Variants in LINGO2 observed in about 807,000 individuals in gnomAD.
LINGO2 encodes leucine rich repeat and Ig domain containing 2.
Under a neutral mutation model 30.6 loss-of-function variants are expected in LINGO2, and 14 were observed. The ratio of observed to expected loss-of-function variants is 0.46; its 90% confidence interval spans 0.30 to 0.72. The LOEUF (loss-of-function observed/expected upper bound fraction) is 0.72, where lower values mean the gene tolerates loss of function less well. Among genes scored for constraint, LINGO2 ranks in the 30% least tolerant of loss-of-function variants. The pLI is 0.07. For missense variants in LINGO2, 729 were observed against 751.7 expected (o/e 0.97, Z 0.35); for synonymous variants, 317 against 288.5 (o/e 1.10, Z -1.00).
At chr9:28,676,216 T>C in the LINGO2 span, among the ~76,000 whole-genome samples, 1 of 151,904 alleles carries the variant, frequency 6.6e-6, no homozygotes, top group Non-Finnish European at 1.5e-5. Flanking sequence ...TATGCTAATA[T>C]TAAAGATTAA....
At chr9:28,142,591 G>A (rs1178849326) in intron 4 of LINGO2, among the ~76,000 whole-genome samples, 1 of 152,150 alleles carries the variant, frequency 6.6e-6, no homozygotes, top group Non-Finnish European at 1.5e-5. Context: ...TCTGAAGAAA[G>A]ACTAGGTTAA....
chr9:27,944,091 C>T (rs1452892755), downstream of LINGO2: 8 of 152,180 alleles, frequency 5.3e-5, no homozygotes, highest in African/African-American at 1.9e-4. Flanking sequence ...TTGTTGGACA[C>T]ATTTTATCCT....
At chr9:28,104,266 G>GTTTTTTTTTTTTT (rs74180789) in intron 4 of LINGO2, among the ~76,000 whole-genome samples, 224 of 97,270 alleles carry the variant, frequency 2.3e-3, no homozygotes, top group Middle Eastern at 0.018. Context: ...TTTTTTGTTT[G>GTTTTTTTTTTTTT]TTTTTTTTTT....
chr9:28,672,699 C>A (rs1829067882), upstream of LINGO2, among the ~76,000 whole-genome samples: 1 of 152,046 alleles, frequency 6.6e-6, no homozygotes, highest in South Asian at 2.1e-4. Context: ...AATTATTCAA[C>A]TAAATCCATG....
At chr9:27,966,691 A>G (rs960573881) in intron 5 of LINGO2, among the ~76,000 whole-genome samples, 3 of 152,148 alleles carry the variant, frequency 2.0e-5, no homozygotes, top group African/African-American at 7.2e-5. Context: ...TACCTATGTA[A>G]CAAACCTGCA....
At chr9:28,443,306 G>C (rs1373411310) in intron 2 of LINGO2, among the ~76,000 whole-genome samples, 1 of 152,212 alleles carries the variant, frequency 6.6e-6, no homozygotes, top group African/African-American at 2.4e-5. Flanking sequence ...GGCCCATCTG[G>C]AGCAACTGTT....
At chr9:28,893,384 C>T in the LINGO2 span, among the ~76,000 whole-genome samples, 7 of 151,982 alleles carry the variant, frequency 4.6e-5, no homozygotes, top group Admixed American at 3.3e-4. Context: ...TACAATGCTG[C>T]AATTAACATC....
At chr9:28,698,973 T>C in the LINGO2 span, among the ~76,000 whole-genome samples, 1 of 151,772 alleles carries the variant, frequency 6.6e-6, no homozygotes, top group Admixed American at 6.6e-5. Flanking sequence ...GCCCAGAAGT[T>C]TGAGGCTGTA....
At chr9:28,789,698 G>C in the LINGO2 span, among the ~76,000 whole-genome samples, 1 of 152,178 alleles carries the variant, frequency 6.6e-6, no homozygotes, top group South Asian at 2.1e-4. Flanking sequence ...GGAACACCCA[G>C]AGAAAACACA....
chr9:28,384,058 C>G (rs952617976), intron 2 of LINGO2, among the ~76,000 whole-genome samples: 2 of 151,886 alleles, frequency 1.3e-5, no homozygotes, highest in African/African-American at 2.4e-5. Context: ...CATATGTGAA[C>G]ATCTATAAAT....
chr9:28,569,000 A>G (rs1014213680), intron 1 of LINGO2, among the ~76,000 whole-genome samples: 6 of 147,068 alleles, frequency 4.1e-5, no homozygotes, highest in African/African-American at 1.6e-4. Flanking sequence ...AATTTTTTCA[A>G]TGAATACATA....
chr9:28,993,556 A>G, the LINGO2 span, among the ~76,000 whole-genome samples: 2 of 151,418 alleles, frequency 1.3e-5, no homozygotes, highest in African/African-American at 4.8e-5. Context: ...GGGCAGAGAC[A>G]CAACCAAAAA....
intron 5 of LINGO2, among the ~76,000 whole-genome samples, chr9:27,963,602 C>T (rs73437755): frequency 0.053 from 8,125 of 151,902 alleles, 709 homozygotes; most frequent in African/African-American, 0.18. Flanking sequence ...TGAACAAGGG[C>T]ACAAAACAAT....
the LINGO2 span, among the ~76,000 whole-genome samples, chr9:29,113,502 G>A: frequency 6.6e-6 from 1 of 152,162 alleles, no homozygotes; most frequent in Non-Finnish European, 1.5e-5. Context: ...CCTAATTGAA[G>A]ACTACTGAGG....
intron 3 of LINGO2, among the ~76,000 whole-genome samples, chr9:28,321,058 A>AT (rs147262109): frequency 0.23 from 34,206 of 151,826 alleles, 4,221 homozygotes; most frequent in South Asian, 0.35. Context: ...ATTTTTGTTA[A>AT]TTTTTTTTAA....
intron 3 of LINGO2, among the ~76,000 whole-genome samples, chr9:28,352,922 A>T (rs2134454515): frequency 6.7e-6 from 1 of 149,818 alleles, no homozygotes; most frequent in Non-Finnish European, 1.5e-5. Context: ...TATTTAATAA[A>T]TGGTGCTGGG....
At chr9:28,662,483 C>A (rs926520863) in intron 1 of LINGO2, among the ~76,000 whole-genome samples, 6 of 152,114 alleles carry the variant, frequency 3.9e-5, no homozygotes, top group African/African-American at 7.2e-5. Context: ...GTAGAAAAAA[C>A]CAGTGAGAGG....
chr9:28,899,699 C>T, the LINGO2 span, among the ~76,000 whole-genome samples: 61 of 152,314 alleles, frequency 4.0e-4, no homozygotes, highest in African/African-American at 1.3e-3. Flanking sequence ...AGCCCAGAGC[C>T]AGTCTGGCAC....
intron 4 of LINGO2, among the ~76,000 whole-genome samples, chr9:28,017,588 C>A (rs1010109246): frequency 5.9e-5 from 9 of 151,994 alleles, no homozygotes; most frequent in Non-Finnish European, 1.2e-4. Context: ...AAGCTGAGAG[C>A]CAAATCAAGA....
Sources: gnomAD v4.1 joint callset for allele counts (sites outside exome capture counted in the v4.1 genomes callset) on GRCh38, gnomAD v4.1.1 for gene constraint, MANE v1.5 for transcripts, NCBI Gene and HGNC (gene_info 2026-07-23, HGNC 2026-07-21) for gene names.